The following NCOR2 variants were observed in gnomAD, a reference collection of about 807,000 sequenced individuals.
NCOR2 encodes the protein CTG repeat protein 26.
In NCOR2, 81 loss-of-function variants were observed where a neutral mutation model predicts 262.9. The ratio of observed to expected loss-of-function variants is 0.31; its 90% CI spans 0.26 to 0.37. The LOEUF (loss-of-function observed/expected upper bound fraction) is 0.37. Among genes scored for constraint, NCOR2 ranks in the 10% least tolerant of loss-of-function variants. NCOR2 has a pLI of 1.00. For synonymous variants in NCOR2, 1,659 were observed against 1,559.3 expected (o/e 1.06, Z -1.51); for missense variants, 3,385 against 3,621.4 (o/e 0.93, Z 1.68).
chr12:124,425,399 A>T (rs936399259), intron 11 of NCOR2, among the ~76,000 whole-genome samples: 2 of 152,154 alleles, frequency 1.3e-5, no homozygotes, highest in African/African-American at 4.8e-5. Flanking sequence ...AAAAAGGAAA[A>T]AAAAACCTTA....
At chr12:124,388,600 C>A in intron 16 of NCOR2, 2 of 1,271,700 alleles carry the variant, frequency 1.6e-6, no homozygotes, top group Non-Finnish European at 2.1e-6. Context: ...CCCAGCTGCC[C>A]AGCCTCAAAT....
At chr12:124,327,212 G>A (rs984295017) in intron 45 of NCOR2, among the ~76,000 whole-genome samples, 197 bp downstream of exon 47, 25 of 152,088 alleles carry the variant, frequency 1.6e-4, no homozygotes, top group East Asian at 1.9e-4. Context: ...GGGCTGGGGG[G>A]CAGAGGGTAC....
chr12:124,390,366 C>T (rs1188956608), intron 16 of NCOR2, among the ~76,000 whole-genome samples: 1 of 152,220 alleles, frequency 6.6e-6, no homozygotes, highest in Non-Finnish European at 1.5e-5. Flanking sequence ...TTTGCACCAG[C>T]TGCTCCTGCT....
upstream of NCOR2, among the ~76,000 whole-genome samples, chr12:124,497,553 G>T (rs757844999): frequency 2.6e-5 from 4 of 152,224 alleles, no homozygotes; most frequent in Admixed American, 6.5e-5. The surrounding 1 kb of genome is among the most constrained non-coding windows in gnomAD (Gnocchi z 4.2). Flanking sequence ...TACAAGAGAA[G>T]CTTATTATCA....
chr12:124,392,632 G>A (rs1018316509), intron 16 of NCOR2, among the ~76,000 whole-genome samples: 1 of 152,222 alleles, frequency 6.6e-6, no homozygotes, highest in African/African-American at 2.4e-5. Flanking sequence ...TGGCAGCTTT[G>A]TGCGGCAGAG....
chr12:124,434,983 C>T (rs2044249095), intron 8 of NCOR2, among the ~76,000 whole-genome samples: 1 of 152,098 alleles, frequency 6.6e-6, no homozygotes. Flanking sequence ...ATTCGGTGTC[C>T]CACTGCATTC....
Position 124,359,917 on chromosome 12 carries a change from C to T in NCOR2, c.3100+2209G>A, listed in dbSNP as rs76944065. Among the ~76,000 whole-genome samples the T allele has an allele frequency of 2.6e-3, 397 of 152,356 alleles. 13 individuals carry two copies. In the East Asian group the frequency reaches 0.049, roughly 19 times the overall value. ...GTGTGTCCCTGCGGGAGCTGAGCTG[C>T]AAGCCAGGCTGTGCAAGAAAGGCAT... On this transcript the variant is annotated intron_variant, in intron 22 of 46. Coordinates refer to ENST00000405201, the Ensembl canonical transcript of NCOR2.
chr12:124,340,846 A>G (rs1393049335), intron 34 of NCOR2, 95 bp from the exon 37 acceptor site: 9 of 1,205,142 alleles, frequency 7.5e-6, no homozygotes, highest in Non-Finnish European at 9.6e-6. Flanking sequence ...CACGGCACAC[A>G]CTCCTGGAGC....
At chr12:124,335,826 T>G (rs1593102484) in intron 38 of NCOR2, 194 bp from the exon 41 acceptor site, 4 of 598,672 alleles carry the variant, frequency 6.7e-6, no homozygotes, top group Admixed American at 3.0e-5. Flanking sequence ...AAGGGAGAGG[T>G]GGAGAGAGAT....
chr12:124,468,839 C>T (rs1593691809), intron 4 of NCOR2, among the ~76,000 whole-genome samples: 2 of 19,936 alleles, frequency 1.0e-4, no homozygotes, highest in Admixed American at 3.9e-4. Context: ...CCTCATCACC[C>T]CATCATCCTC....
chr12:124,335,626 T>G, exon 39 of NCOR2: 1 of 1,600,366 alleles, frequency 6.2e-7, no homozygotes, highest in South Asian at 1.1e-5. Flanking sequence ...GCTGCTGCCG[T>G]GGTAACCTAG....
intron 7 of NCOR2, among the ~76,000 whole-genome samples, chr12:124,447,275 T>G (rs1052667772): frequency 6.6e-5 from 10 of 152,244 alleles, no homozygotes; most frequent in African/African-American, 2.4e-4. Flanking sequence ...ACAAATTCAG[T>G]GAGGCGGTTA....
intron 7 of NCOR2, among the ~76,000 whole-genome samples, chr12:124,444,959 C>T (rs1269201756): frequency 6.6e-6 from 1 of 152,092 alleles, no homozygotes; most frequent in Middle Eastern, 3.2e-3. Context: ...TGAACAAGAC[C>T]AGAGAGACCT....
intron 18 of NCOR2, 24 bp from the exon 21 acceptor site, chr12:124,374,487 T>G: frequency 5.0e-6 from 8 of 1,610,078 alleles, no homozygotes; most frequent in Non-Finnish European, 6.8e-6. Context: ...AGAGAAGAGT[T>G]AGAAGTGAGG....
chr12:124,326,333 G>T, exon 46 of NCOR2: 1 of 1,535,350 alleles, frequency 6.5e-7, no homozygotes, highest in Non-Finnish European at 8.7e-7. Flanking sequence ...CTTTTCGGCT[G>T]CTGGGTCTGC....
intron 1 of NCOR2, among the ~76,000 whole-genome samples, chr12:124,557,379 C>A (rs1359635385): frequency 2.6e-5 from 4 of 152,220 alleles, no homozygotes; most frequent in Non-Finnish European, 5.9e-5. Context: ...CTGTCCTGAG[C>A]CTTCCTCCCA....
At chr12:124,395,050 C>A (rs1305106795) in intron 16 of NCOR2, among the ~76,000 whole-genome samples, 1 of 152,168 alleles carries the variant, frequency 6.6e-6, no homozygotes, top group Non-Finnish European at 1.5e-5. Context: ...GGTCCGAAGG[C>A]CCTGGGGAAA....
At chr12:124,346,883 C>A (rs765328134) in intron 30 of NCOR2, 33 bp from the exon 33 acceptor site, 1 of 1,495,608 alleles carries the variant, frequency 6.7e-7, no homozygotes, top group African/African-American at 1.4e-5. Flanking sequence ...CCTCACGCCC[C>A]GCCCCACCCA....
intron 12 of NCOR2, among the ~76,000 whole-genome samples, chr12:124,422,227 G>A (rs2043247027): frequency 6.6e-6 from 1 of 152,364 alleles, no homozygotes; most frequent in African/African-American, 2.4e-5. Flanking sequence ...CAGGAAGCCT[G>A]GCCGTGCAGC....
Sources: allele counts gnomAD v4.1 joint callset (sites outside exome capture counted in the v4.1 genomes callset), GRCh38; gene constraint gnomAD v4.1.1; non-coding constraint Gnocchi (gnomAD v3.1); transcripts MANE v1.5; gene names NCBI Gene and HGNC (gene_info 2026-07-23, HGNC 2026-07-21).